The following ALMS1 variants were observed in gnomAD, a reference collection of about 807,000 sequenced individuals.
ALMS1 encodes ALMS1 centrosome and basal body associated protein.
ALMS1 carries 271 observed loss-of-function variants against 352.2 expected under a neutral mutation model. The observed-to-expected ratio is 0.77, with a 90% CI of 0.70 to 0.85. The LOEUF is 0.85. Among genes scored for constraint, ALMS1 ranks in the 40% least tolerant of loss-of-function variants. The pLI is 0.00. For missense variants in ALMS1, 5,445 were observed against 4,870.7 expected (o/e 1.12, Z -3.51); for synonymous variants, 1,865 against 1,761.2 (o/e 1.06, Z -1.48).
chr2:73,466,753 G>A (rs569806442), intron 9 of ALMS1, among the ~76,000 whole-genome samples: 1 of 152,230 alleles, frequency 6.6e-6, no homozygotes, highest in African/African-American at 2.4e-5. Flanking sequence ...TGTTAAGTAT[G>A]TGGATAAATA....
chr2:73,522,551 C>T (rs1238017870), intron 11 of ALMS1, among the ~76,000 whole-genome samples: 1 of 146,650 alleles, frequency 6.8e-6, no homozygotes, highest in Admixed American at 6.9e-5. Flanking sequence ...CTCACTGCAA[C>T]CTGCATCTTC....
rs762735674 is a variant in ALMS1 at position 73,424,700 on chromosome 2, T to C, written c.1035T>C (p.Tyr345=). 8 of 1,614,026 alleles carry C rather than the reference T, an allele frequency of 5.0e-6. No homozygotes were observed. Among genetic ancestry groups the C allele is most frequent in the South Asian group, 1.1e-5 (1 of 91,082 alleles). ...DCDRYDDLCS[Y]MSWKTRKDTQ... ...ATCGTTATGATGATCTTTGTTCATA[T>C]ATGTCATGGAAGACACGAAAAGATA... The change falls in exon 5 of 23, where the codon TAT becomes TAC. Residue 345 remains tyrosine, a synonymous_variant. Transcript: ENST00000613296.
chr2:73,408,770 AC>A (rs1671020515), intron 2 of ALMS1, 23 bp downstream of exon 2: 1 of 1,601,598 alleles, frequency 6.2e-7, no homozygotes, highest in East Asian at 2.2e-5. Flanking sequence ...TAACTGGCTA[AC>A]TTTTTTTTTT....
At chr2:73,441,028 A>G (rs1671709190) in intron 7 of ALMS1, among the ~76,000 whole-genome samples, 1 of 152,156 alleles carries the variant, frequency 6.6e-6, no homozygotes, top group Non-Finnish European at 1.5e-5. Flanking sequence ...GTCTTCCTCA[A>G]GGCCTGCTGG....
rs372240184 is a variant in ALMS1, at chr2:73,579,063, C to CTTTTTTTTT, written c.11547+5646_11547+5647insTTTTTTTTT. Among the ~76,000 whole-genome samples the CTTTTTTTTT allele has an allele frequency of 9.6e-3, 1,147 of 118,884 alleles. 251 individuals carry two copies. The highest frequency in any genetic ancestry group is 0.041 in the African/African-American group (956 of 23,054). The allele number at this position is 118,884 out of a possible 152,430, so 78.0% of individuals were successfully genotyped here. A position where few individuals can be genotyped will look rare whatever the true frequency, so the allele number is the denominator to read the frequency against. On this transcript the variant is annotated intron_variant, in intron 16 of 22. Transcript: ENST00000613296. ...GAATGTCTTTAATTTCTCCTTTATT[C>CTTTTTTTTT]TTTTTTTATTTATTTTTTTTTTTGA...
At position 73,559,151 on chromosome 2, in the gene ALMS1, A is replaced by T; in HGVS notation, c.10384+9A>T. 6.2e-7 allele frequency: 1 copy of T among 1,611,868 alleles called. No homozygotes were observed. Among genetic ancestry groups the T allele is most frequent in the Non-Finnish European group, 8.5e-7 (1 of 1,178,802 alleles). ...ACAGATCAATATTGAAGGTAATGGGATTGGGTTGTGTATGAGTGTGTGTGT... is the reference window on the plus strand; with the variant it reads ...ACAGATCAATATTGAAGGTAATGGGTTTGGGTTGTGTATGAGTGTGTGTGT... On this transcript the variant is annotated intron_variant, in intron 15 of 22. Coordinates refer to ENST00000613296, the MANE Select transcript of ALMS1 (RefSeq NM_001378454.1).
chr2:73,391,931 C>T (rs756172550), intron 1 of ALMS1, among the ~76,000 whole-genome samples: 1 of 152,018 alleles, frequency 6.6e-6, no homozygotes, highest in Non-Finnish European at 1.5e-5. Flanking sequence ...TATATGTTCT[C>T]CTTTCTTGGG....
chr2:73,531,922 A>G (rs1673924251), intron 11 of ALMS1, among the ~76,000 whole-genome samples: 1 of 152,068 alleles, frequency 6.6e-6, no homozygotes, highest in Admixed American at 6.6e-5. Context: ...AACCACACTC[A>G]TAATCTAATC....
chr2:73,409,017 CAT>C (rs1671026546), intron 2 of ALMS1, among the ~76,000 whole-genome samples: 1 of 151,444 alleles, frequency 6.6e-6, no homozygotes, highest in African/African-American at 2.4e-5. Context: ...GGACTACAGA[CAT>C]ATACCATCAA....
chr2:73,429,903 C>G (rs983249019), intron 6 of ALMS1, among the ~76,000 whole-genome samples: 1 of 151,634 alleles, frequency 6.6e-6, no homozygotes, highest in African/African-American at 2.4e-5. Context: ...TTTCTGGTTT[C>G]TTGGTCATCT....
Position 73,419,362 on chromosome 2 carries a change from T to C in ALMS1, c.646+44T>C. ...AACTAGTAGTAATACCTCACATTTGTAAGTTTTGCGGGGACTGCAAGTCTT... is the reference window on the plus strand; with the variant it reads ...AACTAGTAGTAATACCTCACATTTGCAAGTTTTGCGGGGACTGCAAGTCTT... On this transcript the variant is annotated intron_variant, in intron 3 of 22. Coordinates refer to ENST00000613296, the MANE Select transcript of ALMS1 (RefSeq NM_001378454.1). 4 of 1,590,096 alleles carry C rather than the reference T, an allele frequency of 2.5e-6. 1 individual carries two copies. In the South Asian group the frequency reaches 4.4e-5, roughly 18 times the overall value.
At chr2:73,426,634 T>C (rs1247038269) in intron 6 of ALMS1, 81 bp downstream of exon 6, 1 of 1,374,508 alleles carries the variant, frequency 7.3e-7, no homozygotes, top group African/African-American at 1.4e-5. Context: ...TTTGTTTTTA[T>C]TTTACTTTTT....
chr2:73,454,328 G>C, intron 8 of ALMS1: 2 of 985,154 alleles, frequency 2.0e-6, no homozygotes. Context: ...CTGAGTTTAC[G>C]TTCTTGTTCT....
intron 10 of ALMS1, among the ~76,000 whole-genome samples, chr2:73,492,748 A>T (rs13421462): frequency 6.6e-6 from 1 of 151,914 alleles, no homozygotes; most frequent in African/African-American, 2.4e-5. Flanking sequence ...GATACCTTTA[A>T]AATTTTTTTC....
chr2:73,573,077 T>C lies in ALMS1; in HGVS notation c.11200T>C (p.Ser3734Pro). 6.2e-7 allele frequency: 1 copy of C among 1,614,058 alleles called. No individual in the cohort carries two copies. Residue 3734 changes from serine to proline, a missense_variant, in exon 16 of 23, where the codon TCT (serine) becomes CCT (proline). Physicochemically the swap from Ser to Pro is moderately conservative, Grantham distance 74 (BLOSUM62 -1). Coordinates refer to ENST00000613296, the MANE Select transcript of ALMS1 (RefSeq NM_001378454.1). ...AGGTTTTAATTATATAAGCAACACT[T>C]CTTCGGATTGTCGGCCCTCAGAGGA... ...QPGFNYISNT[S>P]SDCRPSEESE...
intron 2 of ALMS1, among the ~76,000 whole-genome samples, chr2:73,417,481 A>AT (rs1671200778): frequency 6.6e-6 from 1 of 152,228 alleles, no homozygotes; most frequent in Non-Finnish European, 1.5e-5. Flanking sequence ...TTGTGACCAT[A>AT]TATGTGTGAA....
intron 1 of ALMS1, among the ~76,000 whole-genome samples, chr2:73,391,624 G>C (rs116762477): frequency 0.011 from 1,722 of 152,104 alleles, 33 homozygotes; most frequent in African/African-American, 0.038. Context: ...TATTAATCCT[G>C]TTTTGTGTTC....
intron 15 of ALMS1, among the ~76,000 whole-genome samples, chr2:73,565,904 A>T (rs905992714): frequency 6.6e-6 from 1 of 152,212 alleles, no homozygotes; most frequent in African/African-American, 2.4e-5. Flanking sequence ...AGAGAAGCCT[A>T]AGGAGACATG....
intron 11 of ALMS1, among the ~76,000 whole-genome samples, chr2:73,531,536 A>G (rs192908022): frequency 6.6e-6 from 1 of 152,256 alleles, no homozygotes; most frequent in East Asian, 1.9e-4. Flanking sequence ...AGACTTTCCC[A>G]CATCTTCCTG....
Sources: gnomAD v4.1 joint callset for allele counts (sites outside exome capture counted in the v4.1 genomes callset) on GRCh38, gnomAD v4.1.1 for gene constraint, MANE v1.5 for transcripts, NCBI Gene and HGNC (gene_info 2026-07-23, HGNC 2026-07-21) for gene names.